The following USP15 variants were observed in gnomAD, a reference collection of about 807,000 sequenced individuals.
USP15 encodes ubiquitin specific peptidase 15, also known as ubiquitin carboxyl-terminal hydrolase 15.
In USP15, 18 loss-of-function variants were observed where a neutral mutation model predicts 127.1. That is an observed-to-expected ratio of 0.14 (90% CI 0.10 to 0.21). USP15 has a LOEUF of 0.21. USP15 is among the 10% of genes least tolerant of loss of function. The pLI is 1.00. For synonymous variants in USP15, 364 were observed against 393.7 expected (o/e 0.92, Z 0.89); for missense variants, 805 against 1,159.9 (o/e 0.69, Z 4.44).
chr12:62,405,240 A>G lies in USP15; in HGVS notation c.*865A>G, dbSNP rs2067828430. 6.6e-6 allele frequency: 1 copy of G among 152,126 alleles called. No homozygotes were observed. Among genetic ancestry groups the G allele is most frequent in the Non-Finnish European group, 1.5e-5 (1 of 67,996 alleles). The allele number at this position is 152,126 out of a possible 1,614,324, so 9.4% of individuals were successfully genotyped here. ...TTTGGCAACTTGAGCTCTCCCAATT[A>G]TTGTAATATAAGGACAGACATAATA... On this transcript the variant is annotated 3_prime_UTR_variant, in exon 22 of 22. Coordinates refer to ENST00000280377, the MANE Select transcript of USP15 (RefSeq NM_001252078.2).
At chr12:62,396,442 A>G (rs1177562462) in intron 20 of USP15, 44 bp downstream of exon 20, 2 of 1,525,954 alleles carry the variant, frequency 1.3e-6, no homozygotes, top group African/African-American at 1.4e-5. Flanking sequence ...TGGTGTTTGA[A>G]GAACTCCAGA....
At chr12:62,367,271 G>T (rs576238374) in intron 8 of USP15, among the ~76,000 whole-genome samples, 2 of 151,840 alleles carry the variant, frequency 1.3e-5, no homozygotes, top group Non-Finnish European at 2.9e-5. Flanking sequence ...TCACTCTGTC[G>T]CCCAGGCTGG....
chr12:62,389,685 GGAT>G lies in USP15; in HGVS notation c.1642_1644del (p.Asp548del). 6.2e-7 allele frequency: 1 copy of G among 1,612,556 alleles called. No individual in the cohort carries two copies. The highest frequency in any genetic ancestry group is 8.5e-7 in the Non-Finnish European group (1 of 1,179,206). The stretch of plus-strand genomic sequence containing the variant: ...AAAACCTTAGTAGTATTATGGAACG[GGAT>G]GATATTTATGTGTAAGTATAAAACT... On this transcript the variant is annotated inframe_deletion, in exon 13 of 22. Transcript: ENST00000280377.
At position 62,409,253 on chromosome 12, in the gene USP15, G is replaced by A. The variant is rs886323998; in HGVS notation, c.*4878G>A. 6.6e-6 allele frequency: 1 copy of A among 152,106 alleles called. No homozygotes were observed. Among genetic ancestry groups the A allele is most frequent in the Non-Finnish European group, 1.5e-5 (1 of 68,010 alleles). 9.4% of individuals were successfully genotyped at this position (152,106 alleles called of 1,614,324 possible). ...TGTGAAATAGATCTCAGACTATTAAGGACATTCAGAAACTGGCTAAGCCAT... is the reference window on the plus strand; with the variant it reads ...TGTGAAATAGATCTCAGACTATTAAAGACATTCAGAAACTGGCTAAGCCAT... On this transcript the variant is annotated 3_prime_UTR_variant, in exon 22 of 22. Transcript: ENST00000280377.
At chr12:62,301,566 A>C (rs2064320260) in intron 2 of USP15, among the ~76,000 whole-genome samples, 1 of 152,176 alleles carries the variant, frequency 6.6e-6, no homozygotes. Context: ...ATTACATGGC[A>C]TGAACAAAGC....
At chr12:62,279,331 C>T (rs1161975294) in intron 1 of USP15, among the ~76,000 whole-genome samples, 3 of 152,072 alleles carry the variant, frequency 2.0e-5, no homozygotes, top group Non-Finnish European at 2.9e-5. Flanking sequence ...GCAGGATTTT[C>T]TTTTTTCAGG....
At chr12:62,292,690 C>G (rs571544968) in intron 1 of USP15, among the ~76,000 whole-genome samples, 53 of 152,272 alleles carry the variant, frequency 3.5e-4, no homozygotes, top group African/African-American at 1.2e-3. Flanking sequence ...CTCTGTGTCT[C>G]TGCCAGGAGC....
intron 11 of USP15, among the ~76,000 whole-genome samples, chr12:62,386,182 C>CTTTTTTTTT (rs2067144694): frequency 7.7e-6 from 1 of 129,066 alleles, no homozygotes; most frequent in Non-Finnish European, 1.7e-5. Context: ...TTTTTTTTTC[C>CTTTTTTTTT]TTTTTTCCAT....
chr12:62,287,505 C>G (rs1379674045), intron 1 of USP15, among the ~76,000 whole-genome samples: 1 of 152,038 alleles, frequency 6.6e-6, no homozygotes, highest in East Asian at 1.9e-4. Flanking sequence ...CAGATGTTTT[C>G]TCCCATTGTT....
chr12:62,315,029 T>A, intron 4 of USP15, 113 bp downstream of exon 4: 1 of 1,036,866 alleles, frequency 9.6e-7, no homozygotes, highest in Non-Finnish European at 1.3e-6. Flanking sequence ...TATATAGACA[T>A]TTGATTTCCA....
intron 8 of USP15, among the ~76,000 whole-genome samples, chr12:62,377,574 G>C (rs950417616): frequency 2.6e-5 from 4 of 151,830 alleles, no homozygotes; most frequent in Non-Finnish European, 5.9e-5. Context: ...ACAAAAATTA[G>C]CCAGGCATGG....
intron 3 of USP15, among the ~76,000 whole-genome samples, chr12:62,313,011 T>A (rs964502904): frequency 4.0e-5 from 6 of 151,632 alleles, no homozygotes; most frequent in African/African-American, 1.4e-4. Flanking sequence ...GACAACAAAC[T>A]CATATTTTTA....
At chr12:62,392,213 A>G in intron 17 of USP15, 59 bp from the exon 18 acceptor site, 1 of 1,068,138 alleles carries the variant, frequency 9.4e-7, no homozygotes, top group Admixed American at 2.3e-5. Flanking sequence ...GTAAGATGGT[A>G]TCACTAAAAT....
chr12:62,363,497 C>T (rs1355414435), intron 8 of USP15, among the ~76,000 whole-genome samples: 1 of 152,122 alleles, frequency 6.6e-6, no homozygotes, highest in Admixed American at 6.6e-5. Flanking sequence ...TATATTCTTG[C>T]ACTCTCACTT....
chr12:62,363,693 C>T (rs1279296008), intron 8 of USP15, among the ~76,000 whole-genome samples: 5 of 152,034 alleles, frequency 3.3e-5, no homozygotes, highest in African/African-American at 1.2e-4. Flanking sequence ...CGTCCCCACC[C>T]CGTGCTCTCT....
rs2067870898 is a variant in USP15, at chr12:62,406,424, ATTTCCAT to A, written c.*2053_*2059del. 6.6e-6 allele frequency: 1 copy of A among 152,138 alleles called. No homozygotes were observed. The highest frequency in any genetic ancestry group is 2.4e-5 in the African/African-American group (1 of 41,422). 9.4% of individuals were successfully genotyped at this position (152,138 alleles called of 1,614,324 possible). Reference sequence around the variant, plus strand: ...TGCCATCTACCAACTAATGAACTATATTTCCATTTTTCTGAAGATTTAAAGAAAAGTC... The same window carrying A: ...TGCCATCTACCAACTAATGAACTATATTTTCTGAAGATTTAAAGAAAAGTC... On this transcript the variant is annotated 3_prime_UTR_variant, in exon 22 of 22. Transcript: ENST00000280377.
intron 8 of USP15, among the ~76,000 whole-genome samples, chr12:62,377,017 C>A (rs1415433074): frequency 6.6e-6 from 1 of 151,844 alleles, no homozygotes; most frequent in Non-Finnish European, 1.5e-5. Flanking sequence ...ATTTTAATTA[C>A]CTTATAAAAA....
intron 1 of USP15, among the ~76,000 whole-genome samples, chr12:62,268,840 A>G (rs192358534): frequency 5.6e-4 from 85 of 152,246 alleles, no homozygotes; most frequent in African/African-American, 1.9e-3. Flanking sequence ...TTGTGCAGCC[A>G]TGACCATAAT....
chr12:62,347,188 A>C (rs2065843911), intron 6 of USP15, among the ~76,000 whole-genome samples: 1 of 152,106 alleles, frequency 6.6e-6, no homozygotes, highest in Non-Finnish European at 1.5e-5. Context: ...ATAAAAACTG[A>C]AAATACAAAT....
Sources: gnomAD v4.1 joint callset for allele counts (sites outside exome capture counted in the v4.1 genomes callset) on GRCh38, gnomAD v4.1.1 for gene constraint, MANE v1.5 for transcripts, NCBI Gene and HGNC (gene_info 2026-07-23, HGNC 2026-07-21) for gene names.